Variants in ECH1 observed in about 807,000 individuals in gnomAD.
ECH1 encodes enoyl-CoA hydratase 1.
A neutral mutation model predicts 37.0 loss-of-function variants in ECH1; 30 were observed. The ratio of observed to expected loss-of-function variants is 0.81; its 90% CI spans 0.61 to 1.10. The LOEUF is 1.10. ECH1 is among the 50% of genes least tolerant of loss of function. ECH1 has a pLI of 0.00. For missense variants in ECH1, 456 were observed against 441.6 expected, an observed-to-expected ratio of 1.03 and a Z score of -0.29; for synonymous variants, 178 against 176.0, an observed-to-expected ratio of 1.01 and a Z score of -0.09.
At chr19:38,824,530 A>C (rs1212111208) in intron 3 of ECH1, among the ~76,000 whole-genome samples, 5 of 152,144 alleles carry the variant, frequency 3.3e-5, no homozygotes, top group East Asian at 1.9e-4. Context: ...GAAAAAGAGG[A>C]GGCTCATTTT....
chr19:38,828,132 C>A (rs1971764777), intron 3 of ECH1, among the ~76,000 whole-genome samples: 1 of 152,232 alleles, frequency 6.6e-6, no homozygotes, highest in Non-Finnish European at 1.5e-5. Context: ...CTCTTTGGAA[C>A]TATATGATAG....
At chr19:38,825,113 A>G (rs1971720239) in intron 3 of ECH1, among the ~76,000 whole-genome samples, 2 of 152,236 alleles carry the variant, frequency 1.3e-5, no homozygotes, top group South Asian at 4.1e-4. Flanking sequence ...TAATGAAAAG[A>G]ATGCAGCTTT....
chr19:38,818,943 CAACCT>C (rs1971620756), intron 3 of ECH1, among the ~76,000 whole-genome samples: 1 of 96,824 alleles, frequency 1.0e-5, no homozygotes. Context: ...GCACTGTTCC[CAACCT>C]GTTACTTTGG....
At chr19:38,821,511 G>A (rs547544326) in intron 3 of ECH1, among the ~76,000 whole-genome samples, 15 of 152,296 alleles carry the variant, frequency 9.8e-5, no homozygotes, top group East Asian at 1.9e-4. Context: ...AGGCGCGGGC[G>A]GGAACCCAGG....
intron 3 of ECH1, among the ~76,000 whole-genome samples, chr19:38,824,997 T>G (rs1195034080): frequency 6.6e-6 from 1 of 152,128 alleles, no homozygotes; most frequent in East Asian, 1.9e-4. Flanking sequence ...CTGGGGAAGT[T>G]TTCAGATGAT....
chr19:38,819,287 C>A (rs1025323971), intron 3 of ECH1: 13 of 906,102 alleles, frequency 1.4e-5, no homozygotes, highest in Non-Finnish European at 1.7e-5. Flanking sequence ...GGCTGACAAC[C>A]ATCCCTCCCT....
chr19:38,831,352 T>A lies in ECH1; in HGVS notation c.217A>T (p.Asn73Tyr). Reference sequence around the variant, plus strand: ...ATGGCATTCCTCTTGTTGGGCCGGTTGAGCTGGACATGCAGAACATGTTTC... The same window carrying A: ...ATGGCATTCCTCTTGTTGGGCCGGTAGAGCTGGACATGCAGAACATGTTTC... ...AQKHVLHVQL[N>Y]RPNKRNAMNK... The change falls in exon 2 of 10, where the codon AAC (asparagine) becomes TAC (tyrosine). Residue 73 changes from asparagine (N) to tyrosine (Y), a missense_variant. Asn to Tyr is a moderately radical substitution (Grantham distance 143). Transcript: ENST00000221418. The A allele has an allele frequency of 6.2e-7, 1 of 1,613,608 alleles. No homozygotes were observed. Among genetic ancestry groups the A allele is most frequent in the Non-Finnish European group, 8.5e-7 (1 of 1,179,706 alleles).
At chr19:38,818,931 G>GCGCGCGCA (rs777285072) in intron 3 of ECH1, among the ~76,000 whole-genome samples, 5 of 127,138 alleles carry the variant, frequency 3.9e-5, no homozygotes, top group African/African-American at 5.4e-5. Flanking sequence ...GTGTGTGTGT[G>GCGCGCGCA]TGCACTGTTC....
intron 3 of ECH1, among the ~76,000 whole-genome samples, chr19:38,827,273 C>G (rs1174746422): frequency 6.6e-6 from 1 of 152,180 alleles, no homozygotes; most frequent in Non-Finnish European, 1.5e-5. Flanking sequence ...AGACTGGGTT[C>G]CCAGCACCAG....
rs781770610 is a variant in ECH1, at chr19:38,817,516, G to A, written c.409C>T (p.Arg137Trp). ...ILQPKGDDVA[R>W]ISWYLRDIIT... ...ATGTCACGGAGGTACCAGCTGATCCGGGCCACATCATCTCCTTTGGGCTGC... is the reference window on the plus strand; with the variant it reads ...ATGTCACGGAGGTACCAGCTGATCCAGGCCACATCATCTCCTTTGGGCTGC... Residue 137 changes from arginine to tryptophan, a missense_variant, in exon 4 of 10, where the codon CGG (arginine) becomes TGG (tryptophan). Transcript: ENST00000221418. 7.4e-6 allele frequency: 12 copies of A among 1,613,808 alleles called. No individual in the cohort carries two copies. In the East Asian group the frequency reaches 8.9e-5, roughly 12 times the overall value.
rs775527600 is a variant in ECH1 at position 38,816,328 on chromosome 19, G to C, written c.687C>G (p.Ala229=). ...QSLVNELAFT[A]RKMMADEALG... is the part of the protein sequence containing the mutation. ...GGGCCTCGTCAGCCATCATCTTGCG[G>C]GCGGTGAAGGCCAGCTCGTTGACCA... The change falls in exon 8 of 10, where the codon GCC becomes GCG. Residue 229 remains alanine (A), a synonymous_variant. Transcript: ENST00000221418. 3 of 1,613,738 alleles carry C rather than the reference G, an allele frequency of 1.9e-6. No homozygotes were observed. In the African/African-American group the frequency reaches 4.0e-5, roughly 22 times the overall value.
intron 3 of ECH1, among the ~76,000 whole-genome samples, chr19:38,823,564 G>A (rs1458143562): frequency 2.6e-5 from 4 of 152,096 alleles, no homozygotes; most frequent in South Asian, 2.1e-4. Flanking sequence ...AACAACTCCC[G>A]ACTCTTTGGA....
chr19:38,827,230 C>T (rs1344160723), intron 3 of ECH1, among the ~76,000 whole-genome samples: 6 of 152,188 alleles, frequency 3.9e-5, no homozygotes, highest in African/African-American at 1.4e-4. Context: ...GTTGGGAACG[C>T]CATGACAACA....
chr19:38,815,704 A>G lies in ECH1; in HGVS notation c.896T>C (p.Met299Thr), dbSNP rs1971562420. Reference protein sequence around the residue: ...ESLNYVASWNMSMLQTQDLVK... With the variant: ...ESLNYVASWNTSMLQTQDLVK... Reference sequence around the variant, plus strand: ...GAGGTCTTGGGTCTGCAGCATGCTCATGTTCCAGGACGCCTGGTACCGAGG... The same window carrying G: ...GAGGTCTTGGGTCTGCAGCATGCTCGTGTTCCAGGACGCCTGGTACCGAGG... The change falls in exon 10 of 10, where the codon ATG (methionine) becomes ACG (threonine). Residue 299 changes from methionine to threonine, a missense_variant. Physicochemically the swap from Met to Thr is moderately conservative, Grantham distance 81. Transcript: ENST00000221418. 5.0e-6 allele frequency: 8 copies of G among 1,614,138 alleles called. No individual in the cohort carries two copies. The highest frequency in any genetic ancestry group is 6.8e-6 in the Non-Finnish European group (8 of 1,180,014).
chr19:38,816,537 C>T lies in ECH1; in HGVS notation c.589-14G>A, dbSNP rs1380924294. The T allele has an allele frequency of 3.7e-6, 6 of 1,613,878 alleles. No individual in the cohort carries two copies. Among genetic ancestry groups the T allele is most frequent in the African/African-American group, 2.7e-5 (2 of 74,914 alleles). On this transcript the variant is annotated splice_polypyrimidine_tract_variant and intron_variant, in intron 6 of 9. Transcript: ENST00000221418. ...CACGTCCACCTCCTGGGGGAGGAAT[C>T]GGGTCAGTGTTTGGTTTCTGCCCAA...
intron 3 of ECH1, among the ~76,000 whole-genome samples, chr19:38,819,798 T>C (rs1426691517): frequency 1.3e-5 from 2 of 151,686 alleles, no homozygotes; most frequent in African/African-American, 4.8e-5. Flanking sequence ...ATGAAAAAAT[T>C]AGCTGCACAT....
chr19:38,821,556 G>A (rs536822778), intron 3 of ECH1, among the ~76,000 whole-genome samples: 58 of 152,316 alleles, frequency 3.8e-4, no homozygotes, highest in South Asian at 3.3e-3. Context: ...CGCAAGTTCC[G>A]GGTGGGTGTG....
Position 38,815,544 on chromosome 19 carries a change from ATCC to A in ECH1, c.*66_*68del. The stretch of plus-strand genomic sequence containing the variant: ...GGCATAGAAACAACTGTCATCGCCC[ATCC>A]TCCCTTTCTGTGGATGAGGCGGGAC... On this transcript the variant is annotated 3_prime_UTR_variant, in exon 10 of 10. Coordinates refer to ENST00000221418, the MANE Select transcript of ECH1 (RefSeq NM_001398.3). 1 of 1,458,992 alleles carries A rather than the reference ATCC, an allele frequency of 6.9e-7. No individual in the cohort carries two copies. The highest frequency in any genetic ancestry group is 9.6e-7 in the Non-Finnish European group (1 of 1,041,426). The allele number at this position is 1,458,992 out of a possible 1,614,324, so 90.4% of individuals were successfully genotyped here.
intron 3 of ECH1, among the ~76,000 whole-genome samples, chr19:38,828,420 C>T (rs923401066): frequency 2.6e-5 from 4 of 151,168 alleles, no homozygotes; most frequent in East Asian, 1.9e-4. Context: ...TTAGTACAGA[C>T]GGGGTTTCAC....
Sources: allele counts gnomAD v4.1 joint callset (sites outside exome capture counted in the v4.1 genomes callset), GRCh38; gene constraint gnomAD v4.1.1; transcripts MANE v1.5; gene names NCBI Gene and HGNC (gene_info 2026-07-23, HGNC 2026-07-21).